The following SLC35F4 variants were observed in gnomAD, a reference collection of about 807,000 sequenced individuals.
SLC35F4 encodes the protein solute carrier family 35 member F4.
A neutral mutation model predicts 44.2 loss-of-function variants in SLC35F4; 24 were observed. The ratio of observed to expected loss-of-function variants is 0.54; its 90% confidence interval spans 0.39 to 0.76. The LOEUF is 0.76. Ranked by LOEUF, SLC35F4 falls within the 30% of genes least tolerant of loss-of-function variation. The pLI, the probability that SLC35F4 is intolerant of heterozygous loss-of-function variation, is 0.00. For synonymous variants in SLC35F4, 238 were observed against 223.6 expected, an observed-to-expected ratio of 1.06 and a Z score of -0.57; for missense variants, 562 against 586.1, an observed-to-expected ratio of 0.96 and a Z score of 0.42.
At chr14:57,778,226 C>T (rs2077537908) in intron 1 of SLC35F4, among the ~76,000 whole-genome samples, 1 of 152,226 alleles carries the variant, frequency 6.6e-6, no homozygotes, top group South Asian at 2.1e-4. Flanking sequence ...ATGCCAGCCA[C>T]ATGGAACTAT....
At chr14:57,750,210 G>A (rs1340962695) in intron 1 of SLC35F4, among the ~76,000 whole-genome samples, 6 of 152,242 alleles carry the variant, frequency 3.9e-5, no homozygotes, top group Admixed American at 3.3e-4. Context: ...TGCTGCAAAT[G>A]ACAGGATTTC....
rs149191251 is a variant in SLC35F4, at chr14:57,680,367, T to A, written c.104-86243A>T. On this transcript the variant is annotated intron_variant, in intron 1 of 7. Transcript: ENST00000556826. ...TTCAATAAACTAAGCGTTGATGGAA[T>A]GTGTCTCAAAATAATAAAGGCTATT... 1.5e-3 allele frequency among the ~76,000 whole-genome samples: 221 copies of A among 152,118 alleles called. 2 individuals carry two copies. The highest frequency in any genetic ancestry group is 6.8e-3 in the Middle Eastern group (2 of 294).
At chr14:57,787,292 G>A (rs188493955) in intron 1 of SLC35F4, among the ~76,000 whole-genome samples, 15 of 152,188 alleles carry the variant, frequency 9.9e-5, no homozygotes, top group East Asian at 7.7e-4. Flanking sequence ...AAGAATAATC[G>A]GTGTTCCTGA....
rs1328249828 is a variant in SLC35F4, at chr14:57,900,148, T to A, written n.282+81765A>T. Among the ~76,000 whole-genome samples the A allele has an allele frequency of 2.0e-5, 3 of 152,102 alleles. No homozygotes were observed. In the East Asian group the frequency reaches 5.8e-4, roughly 29 times the overall value. On this transcript the variant is annotated intron_variant and non_coding_transcript_variant, in intron 1 of 1. Coordinates refer to the SLC35F4 transcript ENST00000556568. Reference sequence around the variant, plus strand: ...GATTGGTGCGTTTTACAGAGCACTGTTTGGTGCATTTTACAATCCCATTGC... The same window carrying A: ...GATTGGTGCGTTTTACAGAGCACTGATTGGTGCATTTTACAATCCCATTGC...
chr14:57,627,766 A>C (rs1187974639), intron 1 of SLC35F4, among the ~76,000 whole-genome samples: 2 of 152,162 alleles, frequency 1.3e-5, no homozygotes, highest in Non-Finnish European at 2.9e-5. Context: ...TGTTTAAACA[A>C]GTGAATGATA....
intron 1 of SLC35F4, among the ~76,000 whole-genome samples, chr14:57,956,537 T>C (rs1267185961): frequency 6.6e-6 from 1 of 152,026 alleles, no homozygotes; most frequent in Non-Finnish European, 1.5e-5. Flanking sequence ...CTGCAATCTA[T>C]CCATCTGACA....
intron 3 of SLC35F4, among the ~76,000 whole-genome samples, chr14:57,588,284 A>G (rs559144360): frequency 1.2e-4 from 18 of 152,286 alleles, no homozygotes; most frequent in South Asian, 4.1e-4. Flanking sequence ...CCTGCAAGAC[A>G]AATTTATTCT....
chr14:57,949,528 G>C (rs1315014153), intron 1 of SLC35F4, among the ~76,000 whole-genome samples: 1 of 152,072 alleles, frequency 6.6e-6, no homozygotes, highest in Non-Finnish European at 1.5e-5. Context: ...CATTTGCAAT[G>C]TCAATATTGA....
At chr14:57,593,091 T>G (rs778124512) in intron 2 of SLC35F4, among the ~76,000 whole-genome samples, 1 of 152,200 alleles carries the variant, frequency 6.6e-6, no homozygotes, top group African/African-American at 2.4e-5. Flanking sequence ...TGATGGTAAC[T>G]GGTAAACAAA....
At chr14:57,776,784 G>A (rs191043621) in intron 1 of SLC35F4, among the ~76,000 whole-genome samples, 2 of 152,060 alleles carry the variant, frequency 1.3e-5, no homozygotes, top group African/African-American at 2.4e-5. Context: ...CCAGAAGAGA[G>A]TGAGGGCCTA....
At chr14:57,736,777 T>C (rs1356330753) in intron 1 of SLC35F4, among the ~76,000 whole-genome samples, 2 of 152,188 alleles carry the variant, frequency 1.3e-5, no homozygotes, top group Non-Finnish European at 2.9e-5. Context: ...CGATAATGAT[T>C]TTTCCAAAGC....
intron 1 of SLC35F4, among the ~76,000 whole-genome samples, chr14:57,911,728 G>T (rs1271510882): frequency 6.6e-6 from 1 of 151,950 alleles, no homozygotes; most frequent in Non-Finnish European, 1.5e-5. Flanking sequence ...GTTTATGAAA[G>T]ATACATATAG....
intron 1 of SLC35F4, among the ~76,000 whole-genome samples, chr14:57,933,169 G>A (rs1231560468): frequency 6.6e-6 from 1 of 151,556 alleles, no homozygotes; most frequent in Non-Finnish European, 1.5e-5. Flanking sequence ...TTATAGGCGT[G>A]TGACACCACA....
rs1244442831 is a variant in SLC35F4 at position 57,564,319 on chromosome 14, A to T, written c.1274T>A (p.Ile425Asn). The change falls in exon 8 of 8, where the codon ATC becomes AAC. Residue 425 changes from isoleucine (I) to asparagine (N), a missense_variant. Physicochemically the swap from Ile to Asn is moderately radical, Grantham distance 149. Coordinates refer to ENST00000556826, the MANE Select transcript of SLC35F4 (RefSeq NM_001306087.2). ...IFNVVRLAAT[I>N]IICIGFLLML... ...CAGCAGAAACCCAATGCAGATGATG[A>T]TGGTAGCAGCCAGGCGGACAACATT... 6.2e-7 allele frequency: 1 copy of T among 1,612,122 alleles called. No homozygotes were observed. The highest frequency in any genetic ancestry group is 2.2e-5 in the East Asian group (1 of 44,802).
In SLC35F4 at chr14:57,740,068, C is replaced by T. The variant is rs1416799601; in HGVS notation, c.103+125655G>A. ...ACAGATGGGGTTTCGTCATGTTGGC[C>T]GGGCTGGTCTCTAACTTCTGGCCTC... On this transcript the variant is annotated intron_variant, in intron 1 of 7. Transcript: ENST00000556826. Among the ~76,000 whole-genome samples the T allele has an allele frequency of 6.6e-5, 10 of 152,026 alleles. No homozygotes were observed. The East Asian group carries it at 9.7e-4, about 15-fold the overall frequency.
rs181708045 is a variant in SLC35F4 at position 57,904,132 on chromosome 14, G to A, written n.282+77781C>T. Among the ~76,000 whole-genome samples the A allele has an allele frequency of 4.9e-3, 749 of 152,296 alleles. 2 individuals are homozygous for A. The highest frequency in any genetic ancestry group is 0.017 in the African/African-American group (690 of 41,562). Reference sequence around the variant, plus strand: ...CAACTCTGCATCAATTTGTCACACTGATAGATCCATTAACAATTTAAGCCT... The same window carrying A: ...CAACTCTGCATCAATTTGTCACACTAATAGATCCATTAACAATTTAAGCCT... On this transcript the variant is annotated intron_variant and non_coding_transcript_variant, in intron 1 of 1. Coordinates refer to the SLC35F4 transcript ENST00000556568.
At chr14:57,628,321 T>C (rs1440690031) in intron 1 of SLC35F4, among the ~76,000 whole-genome samples, 1 of 145,300 alleles carries the variant, frequency 6.9e-6, no homozygotes, top group Non-Finnish European at 1.5e-5. Context: ...AAATATACTT[T>C]AAGTTCTGGG....
chr14:57,938,448 T>C (rs1457768484), intron 1 of SLC35F4, among the ~76,000 whole-genome samples: 1 of 152,178 alleles, frequency 6.6e-6, no homozygotes, highest in Non-Finnish European at 1.5e-5. Context: ...TTTCAGATCA[T>C]CAGCACTTCG....
chr14:57,639,024 T>G (rs542657296), intron 1 of SLC35F4, among the ~76,000 whole-genome samples: 23 of 152,128 alleles, frequency 1.5e-4, no homozygotes, highest in Non-Finnish European at 2.9e-4. Context: ...TTTTGTTTAT[T>G]TCTGTGCCCA....
Sources: gnomAD v4.1 joint callset for allele counts (sites outside exome capture counted in the v4.1 genomes callset) on GRCh38, gnomAD v4.1.1 for gene constraint, MANE v1.5 for transcripts, NCBI Gene and HGNC (gene_info 2026-07-23, HGNC 2026-07-21) for gene names.